C12orf42: variants seen among roughly 807,000 people sequenced by gnomAD.
C12orf42 encodes the protein chromosome 12 open reading frame 42.
In C12orf42, 25 loss-of-function variants were observed where a neutral mutation model predicts 21.6. The observed-to-expected ratio is 1.16, with a 90% confidence interval of 0.84 to 1.62. The LOEUF (loss-of-function observed/expected upper bound fraction) is 1.62. Ranked by LOEUF, C12orf42 falls within the 40% of genes most tolerant of loss-of-function variation. C12orf42 has a pLI of 0.00. For synonymous variants in C12orf42, 174 were observed against 175.0 expected (o/e 0.99, Z 0.05); for missense variants, 483 against 459.3 (o/e 1.05, Z -0.47).
the C12orf42 span, among the ~76,000 whole-genome samples, chr12:103,226,600 G>A: frequency 6.6e-6 from 1 of 152,180 alleles, no homozygotes; most frequent in Non-Finnish European, 1.5e-5. Context: ...TGCTGGGCAG[G>A]TTGGGGAGGG....
chr12:103,092,250 G>A, the C12orf42 span, among the ~76,000 whole-genome samples: 3 of 152,156 alleles, frequency 2.0e-5, no homozygotes, highest in East Asian at 1.9e-4. Context: ...TTTATCATTC[G>A]CTTTCTGGTA....
the C12orf42 span, among the ~76,000 whole-genome samples, chr12:103,510,457 A>G: frequency 6.6e-6 from 1 of 152,176 alleles, no homozygotes; most frequent in Non-Finnish European, 1.5e-5. Context: ...TCACCACTAA[A>G]GAACTTACTC....
At chr12:103,243,406 C>G (rs1380932063) in intron 10 of C12orf42, among the ~76,000 whole-genome samples, 2 of 151,856 alleles carry the variant, frequency 1.3e-5, no homozygotes, top group African/African-American at 2.4e-5. Flanking sequence ...GACAACATTC[C>G]CATGCTATAT....
At chr12:103,381,402 T>C (rs1027184371) in intron 3 of C12orf42, among the ~76,000 whole-genome samples, 8 of 152,160 alleles carry the variant, frequency 5.3e-5, no homozygotes, top group Non-Finnish European at 1.0e-4. Context: ...ATTAGCACAC[T>C]CCCCACCTTT....
At chr12:103,070,243 G>A in the C12orf42 span, among the ~76,000 whole-genome samples, 1 of 152,056 alleles carries the variant, frequency 6.6e-6, no homozygotes, top group Non-Finnish European at 1.5e-5. Context: ...GCACCCTTAA[G>A]TTGTGATTTC....
Position 103,306,108 on chromosome 12 carries a change from A to G in C12orf42, c.497T>C (p.Phe166Ser), listed in dbSNP as rs1215155037. ...GAPKQAWNSSFLEQLVKKPNW... is the reference protein window; with the variant it reads ...GAPKQAWNSSSLEQLVKKPNW... Reference sequence around the variant, plus strand: ...AGGCTTTTTAACCAGTTGTTCCAAAAATGAACTGTTCCAAGCCTGCTTGGG... The same window carrying G: ...AGGCTTTTTAACCAGTTGTTCCAAAGATGAACTGTTCCAAGCCTGCTTGGG... Residue 166 changes from phenylalanine (F) to serine (S), a missense_variant, in exon 5 of 6, where the codon TTT becomes TCT. Phe to Ser is a radical substitution (Grantham distance 155). Transcript: ENST00000548883. 6.2e-7 allele frequency: 1 copy of G among 1,613,952 alleles called. No homozygotes were observed. Among genetic ancestry groups the G allele is most frequent in the Non-Finnish European group, 8.5e-7 (1 of 1,179,864 alleles).
the C12orf42 span, among the ~76,000 whole-genome samples, chr12:103,555,568 C>G: frequency 1.3e-5 from 2 of 152,072 alleles, no homozygotes; most frequent in Non-Finnish European, 2.9e-5. Flanking sequence ...GCTGCTGATC[C>G]GAGGACCACA....
At chr12:103,265,799 C>CTGTTTTGTTTTGTTT (rs3063704), downstream of C12orf42, among the ~76,000 whole-genome samples, 8,105 of 150,238 alleles carry the variant, frequency 0.054, 237 homozygotes, top group East Asian at 0.082. Context: ...ATTTCTTAGG[C>CTGTTTTGTTTTGTTT]TGTTTTGTTT....
chr12:103,504,261 G>A, the C12orf42 span: 1 of 154,120 alleles, frequency 6.5e-6, no homozygotes, highest in Admixed American at 6.5e-5. Context: ...AGGATCCAGT[G>A]AGACCTAGGT....
intron 4 of C12orf42, among the ~76,000 whole-genome samples, chr12:103,284,910 C>T (rs1247099074): frequency 6.6e-6 from 1 of 152,032 alleles, no homozygotes; most frequent in African/African-American, 2.4e-5. Context: ...TCATGGAGCC[C>T]TGGATAGTAT....
chr12:103,293,045 C>T (rs749021811), intron 4 of C12orf42, among the ~76,000 whole-genome samples: 1 of 152,068 alleles, frequency 6.6e-6, no homozygotes, highest in Non-Finnish European at 1.5e-5. Context: ...TTTAAAATCT[C>T]TTTAGGCTGT....
chr12:103,365,147 C>T (rs2044483628), intron 4 of C12orf42, among the ~76,000 whole-genome samples: 1 of 151,962 alleles, frequency 6.6e-6, no homozygotes, highest in Non-Finnish European at 1.5e-5. Context: ...TGTTTCATAC[C>T]AGGGATGTAG....
At chr12:103,414,449 A>G (rs918488846) in intron 2 of C12orf42, among the ~76,000 whole-genome samples, 8 of 152,152 alleles carry the variant, frequency 5.3e-5, no homozygotes, top group African/African-American at 1.9e-4. Context: ...GTAGTTTGAT[A>G]GGAATAGCAT....
intron 4 of C12orf42, 91 bp from the exon 5 acceptor site, chr12:103,306,436 CT>C: frequency 1.4e-6 from 2 of 1,427,434 alleles, no homozygotes; most frequent in Non-Finnish European, 1.9e-6. Flanking sequence ...AATATGTAAA[CT>C]TTTGGTTGTT....
At chr12:103,439,960 T>C (rs1242217623) in intron 2 of C12orf42, among the ~76,000 whole-genome samples, 1 of 149,832 alleles carries the variant, frequency 6.7e-6, no homozygotes, top group East Asian at 2.0e-4. Context: ...CATGCACACG[T>C]ATGTTTATTG....
chr12:103,312,099 A>AGTTTTGTGAGGT (rs1187746917), intron 4 of C12orf42, among the ~76,000 whole-genome samples: 6 of 152,144 alleles, frequency 3.9e-5, no homozygotes, highest in African/African-American at 1.4e-4. Flanking sequence ...CAGTAACTCC[A>AGTTTTGTGAGGT]CTTGAGCCTC....
intron 3 of C12orf42, among the ~76,000 whole-genome samples, chr12:103,388,660 C>T (rs542389418): frequency 5.3e-5 from 8 of 152,156 alleles, no homozygotes; most frequent in African/African-American, 1.7e-4. Context: ...TTCTACTCTA[C>T]TGCTCTTGCC....
chr12:103,135,536 A>G, the C12orf42 span, among the ~76,000 whole-genome samples: 1 of 152,232 alleles, frequency 6.6e-6, no homozygotes, highest in Non-Finnish European at 1.5e-5. Context: ...GTGATTAACA[A>G]TGAGACAAAG....
chr12:103,466,606 C>A (rs1332274430), intron 2 of C12orf42, among the ~76,000 whole-genome samples: 1 of 152,068 alleles, frequency 6.6e-6, no homozygotes, highest in Non-Finnish European at 1.5e-5. Flanking sequence ...TCCTCTCTTC[C>A]TCTCTCTTAT....
Sources: gnomAD v4.1 joint callset for allele counts (sites outside exome capture counted in the v4.1 genomes callset) on GRCh38, gnomAD v4.1.1 for gene constraint, MANE v1.5 for transcripts, NCBI Gene and HGNC (gene_info 2026-07-23, HGNC 2026-07-21) for gene names.